PLCE1: variants seen among roughly 807,000 people sequenced by gnomAD.
PLCE1 encodes the protein 1-phosphatidylinositol 4,5-bisphosphate phosphodiesterase epsilon-1.
PLCE1 carries 119 observed loss-of-function variants against 242.8 expected under a neutral mutation model. That is an observed-to-expected ratio of 0.49 (90% CI 0.42 to 0.57). PLCE1 has a LOEUF of 0.57. PLCE1 is among the 20% of genes least tolerant of loss of function. The pLI, the probability that PLCE1 is intolerant of heterozygous loss-of-function variation, is 0.00. For synonymous variants in PLCE1, 945 were observed against 1,017.4 expected (o/e 0.93, Z 1.35); for missense variants, 2,441 against 2,788.8 (o/e 0.88, Z 2.81).
At chr10:94,200,655 C>A (rs2048962240) in intron 4 of PLCE1, among the ~76,000 whole-genome samples, 1 of 152,106 alleles carries the variant, frequency 6.6e-6, no homozygotes, top group African/African-American at 2.4e-5. Flanking sequence ...TATTGACTTC[C>A]TTCCAGGAAG....
rs2050905198 is a variant in PLCE1, at chr10:94,252,256, A to G, written c.3097-60A>G. On this transcript the variant is annotated intron_variant, in intron 8 of 32. Transcript: ENST00000371380. The stretch of plus-strand genomic sequence containing the variant: ...TTGGAATTTTCTGGGAGACATTAAT[A>G]TATTTACTTCCCCATTGCTTGATGC... 8.1e-6 allele frequency: 12 copies of G among 1,478,036 alleles called. No homozygotes were observed. In the South Asian group the frequency reaches 9.1e-5, roughly 11 times the overall value. 91.6% of individuals were successfully genotyped at this position (1,478,036 alleles called of 1,614,324 possible).
intron 2 of PLCE1, among the ~76,000 whole-genome samples, chr10:94,127,966 T>G (rs906742151): frequency 6.6e-6 from 1 of 150,540 alleles, no homozygotes; most frequent in Non-Finnish European, 1.5e-5. Context: ...GTGAGTGATC[T>G]AGGAAGAGAT....
intron 1 of PLCE1, among the ~76,000 whole-genome samples, chr10:94,014,217 G>T (rs551267202): frequency 6.6e-6 from 1 of 152,268 alleles, no homozygotes; most frequent in African/African-American, 2.4e-5. Context: ...GGTGTCAAGA[G>T]ACACCTTCCC....
intron 11 of PLCE1, among the ~76,000 whole-genome samples, chr10:94,256,377 G>T: frequency 9.5e-6 from 1 of 105,552 alleles, no homozygotes; most frequent in African/African-American, 3.8e-5. Context: ...ACAGAAAATA[G>T]AAAGAAAAAA....
At chr10:94,283,986 G>C in intron 21 of PLCE1, 75 bp downstream of exon 21, 1 of 1,533,016 alleles carries the variant, frequency 6.5e-7, no homozygotes, top group East Asian at 2.4e-5. Flanking sequence ...GATTCCACTT[G>C]CTCCCTGTCC....
chr10:94,026,037 A>G (rs2061448188), intron 1 of PLCE1, among the ~76,000 whole-genome samples: 1 of 152,138 alleles, frequency 6.6e-6, no homozygotes, highest in Admixed American at 6.6e-5. Context: ...ATAAAATTTC[A>G]TTTACAAAAA....
chr10:94,071,178 G>T (rs2044341049), intron 2 of PLCE1, among the ~76,000 whole-genome samples: 1 of 152,012 alleles, frequency 6.6e-6, no homozygotes, highest in Non-Finnish European at 1.5e-5. Context: ...CATCCAGCTT[G>T]GGCCTGACCC....
At chr10:93,995,102 AGG>A (rs1348704911) in intron 1 of PLCE1, among the ~76,000 whole-genome samples, 1 of 152,184 alleles carries the variant, frequency 6.6e-6, no homozygotes, top group Non-Finnish European at 1.5e-5. Context: ...GGCACTACTG[AGG>A]CCAAGAATGC....
At chr10:94,128,176 C>T (rs1393259408) in intron 2 of PLCE1, among the ~76,000 whole-genome samples, 2 of 151,926 alleles carry the variant, frequency 1.3e-5, no homozygotes, top group Non-Finnish European at 2.9e-5. Flanking sequence ...TTAGTAGAGA[C>T]GGGGTTTTAC....
intron 5 of PLCE1, among the ~76,000 whole-genome samples, chr10:94,233,233 C>G (rs921750927): frequency 6.6e-6 from 1 of 152,218 alleles, no homozygotes; most frequent in Non-Finnish European, 1.5e-5. Flanking sequence ...GCAAATAATA[C>G]TTTACAACAA....
chr10:94,304,668 G>T, intron 25 of PLCE1, 23 bp downstream of exon 25: 1 of 1,612,482 alleles, frequency 6.2e-7, no homozygotes, highest in Non-Finnish European at 8.5e-7. Context: ...CCTAGAGAAA[G>T]AACATAAGGT....
At chr10:94,219,881 G>T (rs1386920829) in intron 4 of PLCE1, among the ~76,000 whole-genome samples, 1 of 152,066 alleles carries the variant, frequency 6.6e-6, no homozygotes, top group Non-Finnish European at 1.5e-5. Context: ...GATGTAGTTT[G>T]GGGGTAAGGG....
At chr10:94,066,134 G>A (rs748048545) in intron 2 of PLCE1, among the ~76,000 whole-genome samples, 4 of 152,074 alleles carry the variant, frequency 2.6e-5, no homozygotes, top group African/African-American at 9.7e-5. Flanking sequence ...ACTTTGGGGA[G>A]GTCATTTTGC....
At chr10:94,278,838 C>T (rs1338680142) in intron 19 of PLCE1, among the ~76,000 whole-genome samples, 4 of 151,860 alleles carry the variant, frequency 2.6e-5, no homozygotes, top group Non-Finnish European at 4.4e-5. Context: ...TCTGTATGCA[C>T]ACACATACAT....
At chr10:94,301,477 A>T (rs2053038415) in intron 24 of PLCE1, among the ~76,000 whole-genome samples, 2 of 152,192 alleles carry the variant, frequency 1.3e-5, no homozygotes, top group Admixed American at 1.3e-4. Context: ...ATTTTCCATG[A>T]AGCATCCCAA....
intron 27 of PLCE1, among the ~76,000 whole-genome samples, chr10:94,309,618 C>T (rs144985018): frequency 0.026 from 3,975 of 152,212 alleles, 55 homozygotes; most frequent in South Asian, 0.041. Flanking sequence ...GGATTACAGG[C>T]ATGAGCTACC....
chr10:94,023,876 G>A (rs2061416751), intron 1 of PLCE1, among the ~76,000 whole-genome samples: 2 of 152,002 alleles, frequency 1.3e-5, no homozygotes, highest in Admixed American at 6.6e-5. Flanking sequence ...GGGAGTTAAA[G>A]GCACAAAGGG....
chr10:94,079,015 G>A (rs936728433), intron 2 of PLCE1, among the ~76,000 whole-genome samples: 1 of 152,134 alleles, frequency 6.6e-6, no homozygotes, highest in Admixed American at 6.5e-5. Context: ...ATCCCTCCAC[G>A]GTGTAATTAG....
chr10:94,331,223 G>C lies in PLCE1; in HGVS notation c.*3280G>C, dbSNP rs1227281933. 1 of 152,192 alleles carries C rather than the reference G, an allele frequency of 6.6e-6. No individual in the cohort carries two copies. Among genetic ancestry groups the C allele is most frequent in the Non-Finnish European group, 1.5e-5 (1 of 68,028 alleles). 9.4% of individuals were successfully genotyped at this position (152,192 alleles called of 1,614,324 possible). On this transcript the variant is annotated 3_prime_UTR_variant, in exon 33 of 33. Coordinates refer to ENST00000371380, the MANE Select transcript of PLCE1 (RefSeq NM_016341.4). ...TAATCAAACTTGCTTTCTTTTATGG[G>C]AGGCTTTTATGCCTCCCATCTCAAT... is the stretch of plus-strand genomic sequence containing the variant.
Sources: gnomAD v4.1 joint callset for allele counts (sites outside exome capture counted in the v4.1 genomes callset) on GRCh38, gnomAD v4.1.1 for gene constraint, MANE v1.5 for transcripts, NCBI Gene and HGNC (gene_info 2026-07-23, HGNC 2026-07-21) for gene names.